The following MBP variants were observed in gnomAD, a reference collection of about 807,000 sequenced individuals.
The protein encoded by MBP is Golli-MBP.
Under a neutral mutation model 35.8 loss-of-function variants are expected in MBP, and 16 were observed. That is an observed-to-expected ratio of 0.45 (90% CI 0.30 to 0.68). The LOEUF is 0.68. Ranked by LOEUF, MBP falls within the 30% of genes least tolerant of loss-of-function variation. MBP has a pLI of 0.08. For synonymous variants in MBP, 143 were observed against 159.6 expected (o/e 0.90, Z 0.78); for missense variants, 380 against 404.7 (o/e 0.94, Z 0.52).
intron 3 of MBP, 53 bp from the exon 4 acceptor site, chr18:77,017,321 A>C: frequency 6.9e-7 from 1 of 1,454,180 alleles, no homozygotes. Flanking sequence ...TGAGCACCGG[A>C]CAAAGCAGCT....
At position 76,989,654 on chromosome 18, in the gene MBP, C is replaced by G. The variant is rs945973231; in HGVS notation, c.681+302G>C. On this transcript the variant is annotated intron_variant, in intron 5 of 8. Coordinates refer to ENST00000355994, the MANE Select transcript of MBP (RefSeq NM_001025101.2). The surrounding 1 kb of genome is among the most constrained non-coding windows in gnomAD (Gnocchi z 4.0). ...CCGCTCCCAGCCCATGGCAAGCACTCTCCATAGGTTGCAAAGCCTGTGTTT... is the reference window on the plus strand; with the variant it reads ...CCGCTCCCAGCCCATGGCAAGCACTGTCCATAGGTTGCAAAGCCTGTGTTT... 1 of 357,376 alleles carries G rather than the reference C, an allele frequency of 2.8e-6. No individual in the cohort carries two copies. The highest frequency in any genetic ancestry group is 4.6e-5 in the Admixed American group (1 of 21,716). 22.1% of individuals were successfully genotyped at this position (357,376 alleles called of 1,614,324 possible).
In MBP at chr18:76,988,430, A is replaced by G. The variant is rs1474329321; in HGVS notation, c.750+65T>C. 1 of 1,614,196 alleles carries G rather than the reference A, an allele frequency of 6.2e-7. No individual in the cohort carries two copies. Reference sequence around the variant, plus strand: ...AGCAACCGAAACAGAGCAGAACACAAAAGTTGCGGGGCTGTGAGGACTGGG... The same window carrying G: ...AGCAACCGAAACAGAGCAGAACACAGAAGTTGCGGGGCTGTGAGGACTGGG... On this transcript the variant is annotated intron_variant, in intron 7 of 8. Transcript: ENST00000355994. This position sits in a 1 kb window ranked among gnomAD's most constrained non-coding sequence, Gnocchi z 5.2.
intron 4 of MBP, among the ~76,000 whole-genome samples, chr18:76,997,369 C>CCCCTGGGG (rs1260853922): frequency 1.3e-5 from 2 of 152,192 alleles, no homozygotes; most frequent in African/African-American, 2.4e-5. Flanking sequence ...TTCAGCGAGT[C>CCCCTGGGG]CCCTGGGGCC....
At chr18:77,057,502 C>A (rs80124043) in intron 3 of MBP, among the ~76,000 whole-genome samples, 9,814 of 152,204 alleles carry the variant, frequency 0.064, 352 homozygotes, top group Middle Eastern at 0.11. Context: ...ACACTAGCAC[C>A]GAATATTCCC....
Position 77,102,167 on chromosome 18 carries a change from G to A in MBP, c.51+3044C>T, listed in dbSNP as rs899562454. Among the ~76,000 whole-genome samples, 6 of 147,176 alleles carry A rather than the reference G, an allele frequency of 4.1e-5. No individual in the cohort carries two copies. The highest frequency in any genetic ancestry group is 1.1e-4 in the African/African-American group (4 of 36,894). On this transcript the variant is annotated intron_variant, in intron 2 of 8. Coordinates refer to ENST00000355994, the MANE Select transcript of MBP (RefSeq NM_001025101.2). The surrounding 1 kb of genome is among the most constrained non-coding windows in gnomAD (Gnocchi z 4.4). ...AAGGTGGCAGCAGGGTGGGAAGGAG[G>A]GGGCCCTCAGCAGCCTGGGCCGGGC... is the stretch of plus-strand genomic sequence containing the variant.
intron 8 of MBP, 145 bp downstream of exon 8, chr18:76,984,630 G>T (rs964161318): frequency 2.2e-5 from 24 of 1,074,908 alleles, no homozygotes; most frequent in Non-Finnish European, 3.1e-5. Context: ...TGCCACCTGA[G>T]CCCCTGCACG....
chr18:77,131,075 GCA>G lies in MBP; in HGVS notation c.-26+1503_-26+1504del, dbSNP rs1212455460. On this transcript the variant is annotated intron_variant, in intron 1 of 8. Coordinates refer to ENST00000355994, the MANE Select transcript of MBP (RefSeq NM_001025101.2). This position sits in a 1 kb window ranked among gnomAD's most constrained non-coding sequence, Gnocchi z 5.5. ...CAAAAAACAAAACACACACACGCGC[GCA>G]CGCACGCGCACACACACACACACAC... Among the ~76,000 whole-genome samples the G allele has an allele frequency of 1.7e-3, 33 of 19,766 alleles. No homozygotes were observed. The highest frequency in any genetic ancestry group is 4.2e-3 in the Non-Finnish European group (17 of 4,018). The allele number at this position is 19,766 out of a possible 152,430, so 13.0% of individuals were successfully genotyped here. A position where few individuals can be genotyped will look rare whatever the true frequency, so the allele number is the denominator to read the frequency against.
chr18:77,079,355 G>C (rs11664872), intron 2 of MBP, among the ~76,000 whole-genome samples: 6 of 152,026 alleles, frequency 3.9e-5, no homozygotes, highest in Admixed American at 2.0e-4. Context: ...CGGCCACTGT[G>C]GGGGAGCAGG....
intron 2 of MBP, among the ~76,000 whole-genome samples, chr18:77,082,054 G>T (rs992432621): frequency 1.3e-5 from 2 of 151,092 alleles, no homozygotes; most frequent in African/African-American, 2.4e-5. Context: ...GGGTTTCACT[G>T]TGTTAGCCGG....
At chr18:76,986,023 AC>A (rs1465436579) in intron 7 of MBP, 103 of 985,442 alleles carry the variant, frequency 1.0e-4, no homozygotes, top group Admixed American at 1.8e-4. Context: ...TGGGAACTCC[AC>A]TGCAAACATG....
At position 77,080,930 on chromosome 18, in the gene MBP, G is replaced by A. The variant is rs556350793; in HGVS notation, c.52-14545C>T. Among the ~76,000 whole-genome samples, 23 of 152,252 alleles carry A rather than the reference G, an allele frequency of 1.5e-4. No homozygotes were observed. The South Asian group carries it at 4.6e-3, about 30-fold the overall frequency. On this transcript the variant is annotated intron_variant, in intron 2 of 8. Transcript: ENST00000355994. ...ACTCCTGACCTCAAGTGATTCACCC[G>A]CCTCAACCTCCCAAAGTGCTGGGAC...
At chr18:77,121,973 G>C (rs1976897206) in intron 1 of MBP, among the ~76,000 whole-genome samples, 1 of 152,206 alleles carries the variant, frequency 6.6e-6, no homozygotes, top group South Asian at 2.1e-4. Context: ...AAATTACTGA[G>C]TTAATTTATC....
chr18:77,028,061 G>A (rs1972296841), intron 3 of MBP, among the ~76,000 whole-genome samples: 1 of 148,582 alleles, frequency 6.7e-6, no homozygotes, highest in South Asian at 2.2e-4. Flanking sequence ...AGGGTCATAG[G>A]ACAATAGTGG....
At chr18:77,107,255 A>T (rs369297670) in intron 1 of MBP, among the ~76,000 whole-genome samples, 3 of 152,126 alleles carry the variant, frequency 2.0e-5, no homozygotes, top group East Asian at 1.9e-4. Flanking sequence ...GACAACTTGG[A>T]CCTTTGGGGG....
rs530191305 is a variant in MBP, at chr18:76,991,432, TAG to T, written c.577-1374_577-1373del. Among the ~76,000 whole-genome samples the T allele has an allele frequency of 1.4e-3, 214 of 152,238 alleles. 4 individuals carry two copies. Among genetic ancestry groups the T allele is most frequent in the Non-Finnish European group, 8.2e-4 (56 of 68,014 alleles). ...ATGGGGGCAGGTGACACAGGGGACA[TAG>T]GCGACGCAGGGGATGCTGCGGCTTT... On this transcript the variant is annotated intron_variant, in intron 4 of 8. Coordinates refer to ENST00000355994, the MANE Select transcript of MBP (RefSeq NM_001025101.2).
At chr18:77,099,004 C>T (rs904288447) in intron 2 of MBP, among the ~76,000 whole-genome samples, 2 of 151,924 alleles carry the variant, frequency 1.3e-5, no homozygotes, top group East Asian at 1.9e-4. Context: ...CCATCCTCCC[C>T]GTCATCCTCC....
intron 3 of MBP, among the ~76,000 whole-genome samples, chr18:77,055,476 C>T (rs566621718): frequency 2.9e-4 from 44 of 152,308 alleles, no homozygotes; most frequent in African/African-American, 1.0e-3. Context: ...AGATGAACTG[C>T]GCTTAAAATG....
intron 1 of MBP, among the ~76,000 whole-genome samples, chr18:77,121,503 T>G (rs1976884371): frequency 6.6e-6 from 1 of 152,172 alleles, no homozygotes; most frequent in African/African-American, 2.4e-5. Context: ...TTCTGAGTTC[T>G]CCCGCCCTGC....
rs1379522435 is a variant in MBP, at chr18:77,016,995, T to C, written c.413A>G (p.Lys138Arg). 3 of 1,614,094 alleles carry C rather than the reference T, an allele frequency of 1.9e-6. No homozygotes were observed. The highest frequency in any genetic ancestry group is 2.5e-6 in the Non-Finnish European group (3 of 1,180,012). Residue 138 changes from lysine to arginine, a missense_variant, in exon 4 of 9, where the codon AAG becomes AGG. By Grantham distance (26) the Lys-to-Arg change is conservative. Transcript: ENST00000355994. ...SESLDVMASQ[K>R]RPSQRHGSKY... ...GGATCCGTGCCTCTGGGAGGGTCTC[T>C]TCTGTGACGCCATCACATCCAGGCT...
Sources: gnomAD v4.1 joint callset for allele counts (sites outside exome capture counted in the v4.1 genomes callset) on GRCh38, gnomAD v4.1.1 for gene constraint, Gnocchi (gnomAD v3.1) non-coding constraint, MANE v1.5 for transcripts, NCBI Gene and HGNC (gene_info 2026-07-23, HGNC 2026-07-21) for gene names.